ZMAT4: variants seen among roughly 807,000 people sequenced by gnomAD.
ZMAT4 encodes zinc finger matrin-type protein 4.
ZMAT4 carries 17 observed loss-of-function variants against 28.7 expected under a neutral mutation model. The ratio of observed to expected loss-of-function variants is 0.59; its 90% CI spans 0.41 to 0.89. The LOEUF is 0.89. Among genes scored for constraint, ZMAT4 ranks in the 40% least tolerant of loss-of-function variants. The pLI, the probability that ZMAT4 is intolerant of heterozygous loss-of-function variation, is 0.00. For synonymous variants in ZMAT4, 117 were observed against 109.2 expected (o/e 1.07, Z -0.44); for missense variants, 240 against 283.8 (o/e 0.85, Z 1.11).
chr8:40,585,358 G>C (rs149799447), intron 5 of ZMAT4, among the ~76,000 whole-genome samples: 14 of 151,980 alleles, frequency 9.2e-5, no homozygotes, highest in Admixed American at 8.5e-4. Flanking sequence ...ACTCCCAAAC[G>C]TCAGAGTGTG....
At chr8:40,878,573 T>C (rs1020846881) in intron 1 of ZMAT4, among the ~76,000 whole-genome samples, 1 of 152,240 alleles carries the variant, frequency 6.6e-6, no homozygotes, top group Non-Finnish European at 1.5e-5. Context: ...GCAGGGAATG[T>C]CTAGCACATA....
intron 5 of ZMAT4, among the ~76,000 whole-genome samples, chr8:40,647,231 G>A (rs1017918712): frequency 2.0e-5 from 3 of 152,218 alleles, no homozygotes; most frequent in Non-Finnish European, 2.9e-5. Flanking sequence ...CCGTGCGTGA[G>A]CTGAAGCAGG....
chr8:40,587,429 A>G (rs1292031218), intron 5 of ZMAT4, among the ~76,000 whole-genome samples: 2 of 152,196 alleles, frequency 1.3e-5, no homozygotes, highest in Admixed American at 6.5e-5. Context: ...AAATTAAAAC[A>G]CTGTATTGTG....
At chr8:40,692,238 A>T (rs530051232) in intron 4 of ZMAT4, among the ~76,000 whole-genome samples, 1 of 152,220 alleles carries the variant, frequency 6.6e-6, no homozygotes, top group African/African-American at 2.4e-5. Flanking sequence ...GTTACTGAAG[A>T]CACACATAAC....
chr8:40,707,335 T>C (rs1299700387), intron 3 of ZMAT4, among the ~76,000 whole-genome samples: 1 of 151,852 alleles, frequency 6.6e-6, no homozygotes. Context: ...GTGTTTTATG[T>C]AATGTGGTAC....
At chr8:40,562,947 A>G (rs1286378955) in intron 6 of ZMAT4, among the ~76,000 whole-genome samples, 1 of 152,134 alleles carries the variant, frequency 6.6e-6, no homozygotes, top group East Asian at 1.9e-4. Flanking sequence ...TGCAGTGTAA[A>G]CATATGTGTG....
intron 5 of ZMAT4, among the ~76,000 whole-genome samples, chr8:40,599,799 T>C (rs1331646762): frequency 2.0e-5 from 3 of 151,854 alleles, no homozygotes. Context: ...GTAAGGAGAG[T>C]GGTGGGAGGC....
chr8:40,601,731 G>A (rs2954650), intron 5 of ZMAT4, among the ~76,000 whole-genome samples: 2,730 of 53,712 alleles, frequency 0.051, 444 homozygotes, highest in South Asian at 0.095. Flanking sequence ...GAAAGAAAGA[G>A]AAAGCAGGCA....
intron 5 of ZMAT4, among the ~76,000 whole-genome samples, chr8:40,653,264 G>T (rs1380664618): frequency 6.6e-6 from 1 of 151,744 alleles, no homozygotes. Context: ...GTACTTGAAG[G>T]GATATTTATA....
intron 2 of ZMAT4, among the ~76,000 whole-genome samples, chr8:40,771,230 T>C (rs982487707): frequency 1.3e-5 from 2 of 150,908 alleles, no homozygotes; most frequent in Admixed American, 6.6e-5. Flanking sequence ...TATATGTACC[T>C]ACATATATAA....
intron 3 of ZMAT4, among the ~76,000 whole-genome samples, chr8:40,700,005 T>C (rs1810062681): frequency 6.6e-6 from 1 of 152,214 alleles, no homozygotes; most frequent in Non-Finnish European, 1.5e-5. Flanking sequence ...AGAACTAGTT[T>C]CCAGGACAAA....
At chr8:40,551,452 A>C (rs1217850642) in intron 6 of ZMAT4, among the ~76,000 whole-genome samples, 2 of 152,206 alleles carry the variant, frequency 1.3e-5, no homozygotes, top group South Asian at 4.1e-4. Flanking sequence ...AACATTTTGC[A>C]ATTGTGTTAT....
chr8:40,553,966 G>A (rs182526657), intron 6 of ZMAT4, among the ~76,000 whole-genome samples: 2 of 152,086 alleles, frequency 1.3e-5, no homozygotes, highest in Non-Finnish European at 2.9e-5. Context: ...GACTCTCAAG[G>A]GTGAAAGAAA....
intron 1 of ZMAT4, among the ~76,000 whole-genome samples, chr8:40,839,999 G>T (rs983456936): frequency 1.3e-5 from 2 of 152,220 alleles, no homozygotes; most frequent in African/African-American, 4.8e-5. Context: ...ACTAAGTGGT[G>T]ATCCTCCCAA....
chr8:40,695,535 T>G (rs933978012), intron 4 of ZMAT4, among the ~76,000 whole-genome samples: 2 of 152,214 alleles, frequency 1.3e-5, no homozygotes, highest in Non-Finnish European at 2.9e-5. Flanking sequence ...CAACCTGGTT[T>G]CTGCAACAGG....
intron 6 of ZMAT4, among the ~76,000 whole-genome samples, chr8:40,575,150 G>A (rs1485168698): frequency 6.6e-6 from 1 of 152,070 alleles, no homozygotes; most frequent in Non-Finnish European, 1.5e-5. Flanking sequence ...TTGAGAGCAG[G>A]GAAGTCAACC....
chr8:40,647,270 A>G (rs991685214), intron 5 of ZMAT4, among the ~76,000 whole-genome samples: 2 of 152,232 alleles, frequency 1.3e-5, no homozygotes, highest in African/African-American at 4.8e-5. Flanking sequence ...TGGGAAGCGC[A>G]AAGGGTCAGG....
At chr8:40,888,990 C>G (rs572361337) in intron 1 of ZMAT4, among the ~76,000 whole-genome samples, 3 of 152,220 alleles carry the variant, frequency 2.0e-5, no homozygotes, top group African/African-American at 7.2e-5. Context: ...CTGAAAAGAG[C>G]ATGGTGTGGG....
At chr8:40,609,705 T>A (rs749267929) in intron 5 of ZMAT4, among the ~76,000 whole-genome samples, 12 of 152,172 alleles carry the variant, frequency 7.9e-5, no homozygotes, top group Non-Finnish European at 1.6e-4. Flanking sequence ...TCTTACCTAT[T>A]CTCACTTTCT....
Sources: allele counts gnomAD v4.1 joint callset (sites outside exome capture counted in the v4.1 genomes callset), GRCh38; gene constraint gnomAD v4.1.1; transcripts MANE v1.5; gene names NCBI Gene and HGNC (gene_info 2026-07-23, HGNC 2026-07-21).